The following CLTCL1 variants were observed in gnomAD, a reference collection of about 807,000 sequenced individuals.
CLTCL1 encodes clathrin heavy chain like 1.
CLTCL1 carries 159 observed loss-of-function variants against 190.0 expected under a neutral mutation model. That is an observed-to-expected ratio of 0.84 (90% confidence interval 0.74 to 0.95). The LOEUF (loss-of-function observed/expected upper bound fraction) is 0.95, where lower values mean the gene tolerates loss of function less well. CLTCL1 is among the 40% of genes least tolerant of loss of function. CLTCL1 has a pLI of 0.00. For synonymous variants in CLTCL1, 752 were observed against 769.6 expected (o/e 0.98, Z 0.38); for missense variants, 1,878 against 2,033.4 (o/e 0.92, Z 1.47).
chr22:19,258,005 G>A (rs1376534051), intron 2 of CLTCL1: 5 of 557,556 alleles, frequency 9.0e-6, no homozygotes, highest in Non-Finnish European at 1.3e-5. Context: ...TCTTGCTGCT[G>A]CTGACTTTAG....
At chr22:19,274,019 A>T (rs1555981904) in intron 2 of CLTCL1, among the ~76,000 whole-genome samples, 1 of 152,134 alleles carries the variant, frequency 6.6e-6, no homozygotes, top group Non-Finnish European at 1.5e-5. Context: ...ACACACACAC[A>T]CACCCTAGGA....
chr22:19,263,458 A>G (rs2087019513), intron 2 of CLTCL1, among the ~76,000 whole-genome samples: 1 of 152,072 alleles, frequency 6.6e-6, no homozygotes, highest in Non-Finnish European at 1.5e-5. Flanking sequence ...TCTGTCACCC[A>G]GGCTGAAGTG....
At chr22:19,215,431 C>T (rs896476260) in intron 19 of CLTCL1, among the ~76,000 whole-genome samples, 1 of 152,220 alleles carries the variant, frequency 6.6e-6, no homozygotes, top group Admixed American at 6.5e-5. Flanking sequence ...TGGAGAGGAA[C>T]CCCAGGTGGC....
chr22:19,248,228 C>T (rs1035265298), intron 3 of CLTCL1, among the ~76,000 whole-genome samples: 1 of 151,754 alleles, frequency 6.6e-6, no homozygotes, highest in Non-Finnish European at 1.5e-5. Flanking sequence ...ACCCGGGAGG[C>T]GGAGGTTGCG....
chr22:19,257,711 G>C (rs2086807268), intron 2 of CLTCL1: 1 of 1,049,402 alleles, frequency 9.5e-7, no homozygotes, highest in Non-Finnish European at 1.3e-6. Flanking sequence ...CCAGGGCCCT[G>C]GCCACTGGGA....
chr22:19,183,457 C>T lies in CLTCL1; in HGVS notation c.4760G>A (p.Trp1587Ter). The T allele has an allele frequency of 6.2e-7, 1 of 1,613,726 alleles. No individual in the cohort carries two copies. Among genetic ancestry groups the T allele is most frequent in the Non-Finnish European group, 8.5e-7 (1 of 1,179,890 alleles). ...GGCCAAGTCCACGAGGTTGTGCCTC[C>T]AGGCCAGCTCAAGCACCATGTCTGG... ...LRPDMVLELAWRHNLVDLAMP... is the reference protein window; with the variant it reads ...LRPDMVLELA The change falls in exon 30 of 33, where the codon TGG becomes TAG. Residue 1587 changes from tryptophan to a stop codon, truncating the protein, a stop_gained. Transcript: ENST00000427926. LOFTEE classifies it high-confidence loss of function.
chr22:19,233,730 G>T, intron 7 of CLTCL1, 108 bp from the exon 8 acceptor site: 2 of 956,210 alleles, frequency 2.1e-6, no homozygotes, highest in Non-Finnish European at 3.1e-6. Context: ...ATTCCACACT[G>T]CTCTGTCATA....
At chr22:19,240,548 T>A (rs1555964895) in intron 4 of CLTCL1, among the ~76,000 whole-genome samples, 1 of 151,958 alleles carries the variant, frequency 6.6e-6, no homozygotes, top group South Asian at 2.1e-4. Context: ...GGGACAGAAG[T>A]CTGTGGATGG....
At chr22:19,214,476 G>A (rs529517825) in intron 19 of CLTCL1, among the ~76,000 whole-genome samples, 2 of 152,000 alleles carry the variant, frequency 1.3e-5, no homozygotes, top group Non-Finnish European at 2.9e-5. Context: ...CTAATTTTTT[G>A]TTGGTTGTGT....
At chr22:19,235,923 G>A (rs2086068940) in intron 5 of CLTCL1, 54 bp from the exon 6 acceptor site, 2 of 1,436,552 alleles carry the variant, frequency 1.4e-6, no homozygotes, top group Non-Finnish European at 1.9e-6. Flanking sequence ...AAGCCATGCG[G>A]GTAAAAAGAG....
Position 19,187,595 on chromosome 22 carries a change from T to C in CLTCL1, c.4568A>G (p.Gln1523Arg). The change falls in exon 29 of 33, where the codon CAG becomes CGG. Residue 1523 changes from glutamine to arginine, a missense_variant. Gln to Arg is a conservative substitution (Grantham distance 43). Coordinates refer to ENST00000427926, the MANE Select transcript of CLTCL1 (RefSeq NM_007098.4). ...ATCCTTCTTGCAGAGCTCCACGCTC[T>C]GGGCCCACCAGTTATTGCCCTTGTA... ...YLYKGNNWWA[Q>R]SVELCKKDHL... The C allele has an allele frequency of 1.9e-6, 3 of 1,613,198 alleles. No individual in the cohort carries two copies. The highest frequency in any genetic ancestry group is 2.2e-5 in the South Asian group (2 of 91,046).
intron 13 of CLTCL1, among the ~76,000 whole-genome samples, chr22:19,224,822 ATGCCCCAACCTCAC>A (rs1255934380): frequency 2.6e-5 from 4 of 152,176 alleles, no homozygotes; most frequent in Non-Finnish European, 5.9e-5. Flanking sequence ...CCCTCCACCG[ATGCCCCAACCTCAC>A]TGGACACATG....
intron 19 of CLTCL1, 84 bp downstream of exon 19, chr22:19,216,027 G>A (rs918798395): frequency 3.7e-5 from 50 of 1,344,420 alleles, no homozygotes; most frequent in Non-Finnish European, 4.8e-5. Flanking sequence ...TGGGTGAAGC[G>A]GTACGAGATT....
At chr22:19,282,992 C>A (rs2087776768) in intron 1 of CLTCL1, among the ~76,000 whole-genome samples, 1 of 151,658 alleles carries the variant, frequency 6.6e-6, no homozygotes, top group South Asian at 2.1e-4. Flanking sequence ...CAGCCTCAGC[C>A]TCCCAAGTAG....
Position 19,187,614 on chromosome 22 carries a change from C to T in CLTCL1, c.4549G>A (p.Gly1517Ser). Residue 1517 changes from glycine to serine, a missense_variant, in exon 29 of 33, where the codon GGC (glycine) becomes AGC (serine). Gly to Ser is a moderately conservative substitution (Grantham distance 56). Coordinates refer to ENST00000427926, the MANE Select transcript of CLTCL1 (RefSeq NM_007098.4). ...FRCIAAYLYK[G>S]NNWWAQSVEL... is the part of the protein sequence containing the mutation. ...ACGCTCTGGGCCCACCAGTTATTGCCCTTGTACAGATAGGCCGCAATGCAC... is the reference window on the plus strand; with the variant it reads ...ACGCTCTGGGCCCACCAGTTATTGCTCTTGTACAGATAGGCCGCAATGCAC... 1.2e-6 allele frequency: 2 copies of T among 1,613,562 alleles called. No individual in the cohort carries two copies. Among genetic ancestry groups the T allele is most frequent in the Non-Finnish European group, 1.7e-6 (2 of 1,179,888 alleles).
intron 4 of CLTCL1, among the ~76,000 whole-genome samples, chr22:19,240,119 C>G (rs534551049): frequency 5.5e-4 from 84 of 151,742 alleles, no homozygotes; most frequent in Non-Finnish European, 1.1e-3. Context: ...CCACACCCGG[C>G]TAAACTTTGT....
chr22:19,234,474 C>A, intron 7 of CLTCL1, 35 bp downstream of exon 7: 1 of 1,556,306 alleles, frequency 6.4e-7, no homozygotes, highest in Non-Finnish European at 8.7e-7. Context: ...GTTCTTAACA[C>A]TCAGAACACT....
chr22:19,240,148 G>T (rs1161052689), intron 4 of CLTCL1, among the ~76,000 whole-genome samples: 1 of 151,690 alleles, frequency 6.6e-6, no homozygotes, highest in African/African-American at 2.4e-5. Context: ...TAGAGATGGG[G>T]TTTCGCTATG....
intron 5 of CLTCL1, among the ~76,000 whole-genome samples, chr22:19,237,902 T>C (rs1235215023): frequency 6.6e-6 from 1 of 152,238 alleles, no homozygotes; most frequent in Non-Finnish European, 1.5e-5. Context: ...ATCCTGCTGT[T>C]ACATTTATTG....
Sources: gnomAD v4.1 joint callset for allele counts (sites outside exome capture counted in the v4.1 genomes callset) on GRCh38, gnomAD v4.1.1 for gene constraint, MANE v1.5 for transcripts, NCBI Gene and HGNC (gene_info 2026-07-23, HGNC 2026-07-21) for gene names.